Variants in CABLES1 observed in about 807,000 individuals in gnomAD.
The protein encoded by CABLES1 is CDK5 and ABL1 enzyme substrate 1.
A neutral mutation model predicts 57.8 loss-of-function variants in CABLES1; 36 were observed. The ratio of observed to expected loss-of-function variants is 0.62; its 90% CI spans 0.48 to 0.82. CABLES1 has a LOEUF of 0.82. Among genes scored for constraint, CABLES1 ranks in the 40% least tolerant of loss-of-function variants. CABLES1 has a pLI of 0.00. For missense variants in CABLES1, 767 were observed against 836.6 expected (o/e 0.92, Z 1.03); for synonymous variants, 374 against 363.0 (o/e 1.03, Z -0.35).
chr18:23,246,247 C>T (rs960053941), intron 7 of CABLES1, among the ~76,000 whole-genome samples: 10 of 147,574 alleles, frequency 6.8e-5, no homozygotes, highest in African/African-American at 2.5e-4. Context: ...GCCTAGGTGA[C>T]AGAGTGAGAC....
intron 1 of CABLES1, among the ~76,000 whole-genome samples, chr18:23,137,615 G>T (rs966577293): frequency 6.6e-6 from 1 of 152,200 alleles, no homozygotes; most frequent in Non-Finnish European, 1.5e-5. Flanking sequence ...TTCTCTGCTA[G>T]AATTTCTCTC....
intron 3 of CABLES1, among the ~76,000 whole-genome samples, chr18:23,204,970 C>T (rs983157482): frequency 6.6e-5 from 10 of 152,168 alleles, no homozygotes; most frequent in African/African-American, 9.7e-5. Context: ...CAAACCCTAT[C>T]GGCAGTTCTG....
intron 3 of CABLES1, among the ~76,000 whole-genome samples, chr18:23,210,705 G>A (rs146696110): frequency 0.012 from 1,868 of 152,274 alleles, 12 homozygotes; most frequent in Middle Eastern, 0.024. Context: ...GCCTGCTGTG[G>A]TTCACGCCTG....
Position 23,243,043 on chromosome 18 carries a change from A to C in CABLES1, c.1446+5798A>C, listed in dbSNP as rs969075248. ...TATTTATAAATATAGATAAGTTATAATTTAATAACATACTCATATATTTAT... is the reference window on the plus strand; with the variant it reads ...TATTTATAAATATAGATAAGTTATACTTTAATAACATACTCATATATTTAT... On this transcript the variant is annotated intron_variant, in intron 7 of 9. Coordinates refer to ENST00000256925, the MANE Select transcript of CABLES1 (RefSeq NM_001100619.3). Among the ~76,000 whole-genome samples the C allele has an allele frequency of 2.0e-5, 3 of 150,200 alleles. No homozygotes were observed. In the East Asian group the frequency reaches 5.8e-4, roughly 29 times the overall value.
chr18:23,177,616 G>A lies in CABLES1; in HGVS notation c.846-11222G>A, dbSNP rs544157305. On this transcript the variant is annotated intron_variant, in intron 1 of 9. Transcript: ENST00000256925. ...GGTTCCCGCTGGGCTCTTTTCCTGGGGCCGGACTTTGCTGGGAGGAATTCT... is the reference window on the plus strand; with the variant it reads ...GGTTCCCGCTGGGCTCTTTTCCTGGAGCCGGACTTTGCTGGGAGGAATTCT... 2.0e-3 allele frequency among the ~76,000 whole-genome samples: 297 copies of A among 152,178 alleles called. 1 individual carries two copies. Among genetic ancestry groups the A allele is most frequent in the Non-Finnish European group, 3.2e-3 (216 of 67,986 alleles).
intron 1 of CABLES1, among the ~76,000 whole-genome samples, chr18:23,160,776 G>A (rs2046998238): frequency 6.6e-6 from 1 of 152,210 alleles, no homozygotes; most frequent in African/African-American, 2.4e-5. Context: ...GCTCATGCCT[G>A]TAATCCCAGC....
At chr18:23,189,659 A>G (rs1057018848) in intron 2 of CABLES1, among the ~76,000 whole-genome samples, 1 of 152,166 alleles carries the variant, frequency 6.6e-6, no homozygotes, top group Admixed American at 6.5e-5. Flanking sequence ...GGGCATCGGG[A>G]GGAGGTGAGC....
chr18:23,257,715 T>G lies in CABLES1; in HGVS notation c.*348T>G. ...TGGTCCAGGGCCTTCTCCAGATCTG[T>G]TCCAACTTGGAGTGTGAAGGGCTTG... On this transcript the variant is annotated 3_prime_UTR_variant, in exon 10 of 10. Coordinates refer to ENST00000256925, the MANE Select transcript of CABLES1 (RefSeq NM_001100619.3). The G allele has an allele frequency of 4.6e-5, 9 of 195,322 alleles. No homozygotes were observed. Among genetic ancestry groups the G allele is most frequent in the East Asian group, 2.7e-4 (2 of 7,460 alleles). 12.1% of individuals were successfully genotyped at this position (195,322 alleles called of 1,614,324 possible). A position where few individuals can be genotyped will look rare whatever the true frequency, so the allele number is the denominator to read the frequency against.
intron 1 of CABLES1, chr18:23,155,692 C>A (rs927172393): frequency 1.5e-6 from 1 of 685,216 alleles, no homozygotes; most frequent in Non-Finnish European, 2.3e-6. Flanking sequence ...GGCGGCAGGA[C>A]CTCATGTGGT....
chr18:23,136,894 C>T (rs1460551297), intron 1 of CABLES1, among the ~76,000 whole-genome samples: 1 of 152,220 alleles, frequency 6.6e-6, no homozygotes, highest in East Asian at 1.9e-4. Flanking sequence ...TAGAAAGCGG[C>T]GTCCGAGCCT....
chr18:23,151,039 GGCAGAGTCTC>G (rs1334761286), intron 1 of CABLES1, among the ~76,000 whole-genome samples: 1 of 143,236 alleles, frequency 7.0e-6, no homozygotes, highest in Non-Finnish European at 1.5e-5. Context: ...TTTTTTGAGA[GGCAGAGTCTC>G]GCTCTGTTGC....
At chr18:23,154,719 T>C (rs969794033) in intron 1 of CABLES1, among the ~76,000 whole-genome samples, 1 of 152,196 alleles carries the variant, frequency 6.6e-6, no homozygotes, top group Non-Finnish European at 1.5e-5. Flanking sequence ...CACCAAGTCA[T>C]GTAGAGCAGG....
Position 23,217,166 on chromosome 18 carries a change from C to T in CABLES1, c.1088+3112C>T, listed in dbSNP as rs188791194. On this transcript the variant is annotated intron_variant, in intron 4 of 9. Transcript: ENST00000256925. ...GCACAAACATGGCTCGCTGCAGTCT[C>T]GAACTCCTACGCTCGAGCCATCCAC... 6.3e-4 allele frequency among the ~76,000 whole-genome samples: 96 copies of T among 152,232 alleles called. No individual in the cohort carries two copies. The Middle Eastern group carries it at 0.02, about 32-fold the overall frequency.
intron 1 of CABLES1, among the ~76,000 whole-genome samples, chr18:23,158,734 G>T (rs925962969): frequency 4.6e-5 from 7 of 152,178 alleles, no homozygotes; most frequent in African/African-American, 1.7e-4. Context: ...CACCTATTGG[G>T]TTGAATAGTC....
At chr18:23,214,106 C>A in intron 4 of CABLES1, 52 bp downstream of exon 4, 1 of 1,272,428 alleles carries the variant, frequency 7.9e-7, no homozygotes, top group Non-Finnish European at 1.1e-6. Flanking sequence ...AGATCTCACA[C>A]CAATGTACAT....
At chr18:23,211,788 A>G (rs190980277) in intron 3 of CABLES1, among the ~76,000 whole-genome samples, 77 of 152,370 alleles carry the variant, frequency 5.1e-4, no homozygotes, top group African/African-American at 1.8e-3. Flanking sequence ...TTGGCACGTA[A>G]TCGATACTTA....
chr18:23,138,622 GC>G (rs1288748008), intron 1 of CABLES1, among the ~76,000 whole-genome samples: 9 of 152,184 alleles, frequency 5.9e-5, no homozygotes, highest in African/African-American at 2.2e-4. Flanking sequence ...ACACCACGCC[GC>G]TTGTCTTATC....
At chr18:23,180,012 G>A (rs1182039733) in intron 1 of CABLES1, among the ~76,000 whole-genome samples, 1 of 152,124 alleles carries the variant, frequency 6.6e-6, no homozygotes, top group East Asian at 1.9e-4. Flanking sequence ...TCCGCCTCCC[G>A]GGTTCAGGCC....
intron 7 of CABLES1, among the ~76,000 whole-genome samples, chr18:23,251,907 G>A (rs1182903926): frequency 1.3e-5 from 2 of 152,120 alleles, no homozygotes; most frequent in Non-Finnish European, 2.9e-5. Flanking sequence ...CCAACATGGT[G>A]AAACTCAGTC....
Sources: allele counts gnomAD v4.1 joint callset (sites outside exome capture counted in the v4.1 genomes callset), GRCh38; gene constraint gnomAD v4.1.1; transcripts MANE v1.5; gene names NCBI Gene and HGNC (gene_info 2026-07-23, HGNC 2026-07-21).